CABP1: variants seen among roughly 807,000 people sequenced by gnomAD.
CABP1 encodes the protein calcium binding protein 1, also known as calcium-binding protein 1.
In CABP1, 17 loss-of-function variants were observed where a neutral mutation model predicts 34.3. The observed-to-expected ratio is 0.50, with a 90% CI of 0.34 to 0.74. CABP1 has a LOEUF of 0.74. Ranked by LOEUF, CABP1 falls within the 30% of genes least tolerant of loss-of-function variation. The pLI is 0.01. For missense variants in CABP1, 373 were observed against 511.1 expected (o/e 0.73, Z 2.61); for synonymous variants, 198 against 229.2 (o/e 0.86, Z 1.23).
In CABP1 at chr12:120,667,255, C is replaced by T. The variant is rs1206351122; in HGVS notation, c.*355C>T. 5 of 417,932 alleles carry T rather than the reference C, an allele frequency of 1.2e-5. No homozygotes were observed. The highest frequency in any genetic ancestry group is 6.0e-5 in the South Asian group (2 of 33,082). 25.9% of individuals were successfully genotyped at this position (417,932 alleles called of 1,614,324 possible). On this transcript the variant is annotated 3_prime_UTR_variant, in exon 6 of 6. Transcript: ENST00000316803. ...GCCCCAGGGCAAAGCCTCCCACCTT[C>T]GCTCTGCGCCCGTCCCAGCTCGCCT...
At chr12:120,652,034 G>C (rs1322575870) in intron 1 of CABP1, among the ~76,000 whole-genome samples, 2 of 152,088 alleles carry the variant, frequency 1.3e-5, no homozygotes, top group Non-Finnish European at 2.9e-5. Flanking sequence ...GATTACACAG[G>C]CCTCCTCTTT....
chr12:120,678,531 G>A, the CABP1 span, among the ~76,000 whole-genome samples: 365 of 152,282 alleles, frequency 2.4e-3, 5 homozygotes, highest in African/African-American at 8.6e-3. Context: ...TGTGCACTGA[G>A]GACTTCTATG....
chr12:120,672,711 GA>G, the CABP1 span, among the ~76,000 whole-genome samples: 20,976 of 139,336 alleles, frequency 0.15, 1,592 homozygotes, highest in Middle Eastern at 0.32. Flanking sequence ...GCACTTGGGT[GA>G]AAAAAAAAAA....
intron 5 of CABP1, among the ~76,000 whole-genome samples, chr12:120,666,473 C>CAAAAAAA (rs55848637): frequency 1.2e-5 from 1 of 81,132 alleles, no homozygotes; most frequent in Non-Finnish European, 2.3e-5. Flanking sequence ...GACTCCATCT[C>CAAAAAAA]AAAAAAAAAA....
the CABP1 span, among the ~76,000 whole-genome samples, chr12:120,677,720 A>G: frequency 6.6e-6 from 1 of 152,124 alleles, no homozygotes. Context: ...GTTGCTTTCT[A>G]TCGTACTCAT....
chr12:120,667,103 GCCC>G lies in CABP1; in HGVS notation c.*204_*206del, dbSNP rs1413063739. The G allele has an allele frequency of 1.6e-6, 1 of 624,848 alleles. No homozygotes were observed. The highest frequency in any genetic ancestry group is 2.8e-6 in the Non-Finnish European group (1 of 362,300). The allele number at this position is 624,848 out of a possible 1,614,324, so 38.7% of individuals were successfully genotyped here. On this transcript the variant is annotated 3_prime_UTR_variant, in exon 6 of 6. Transcript: ENST00000316803. ...ACTCCTGCAACTGGAAAGCGGGGGC[GCCC>G]GCCGACGAGGAGGCCACCGTGCCAA... is the stretch of plus-strand genomic sequence containing the variant.
the CABP1 span, among the ~76,000 whole-genome samples, chr12:120,673,198 T>C: frequency 2.0e-5 from 3 of 152,012 alleles, no homozygotes; most frequent in Non-Finnish European, 4.4e-5. Flanking sequence ...TCTTAACAAG[T>C]AAGGTGATTA....
chr12:120,668,818 G>A (rs950478209), downstream of CABP1, among the ~76,000 whole-genome samples: 2 of 152,228 alleles, frequency 1.3e-5, no homozygotes. Flanking sequence ...AGCGTACTTG[G>A]GCAGGTGTGT....
the CABP1 span, among the ~76,000 whole-genome samples, chr12:120,672,629 T>C: frequency 1.1e-4 from 16 of 141,056 alleles, no homozygotes; most frequent in African/African-American, 4.0e-4. Context: ...AGTGAACTTA[T>C]AGATCAAAAG....
chr12:120,666,797 AG>A, intron 5 of CABP1, 77 bp from the exon 6 acceptor site: 8 of 1,492,674 alleles, frequency 5.4e-6, no homozygotes, highest in Non-Finnish European at 7.3e-6. Context: ...CAGTGGCAAC[AG>A]GGTGGGGTCT....
intron 1 of CABP1, among the ~76,000 whole-genome samples, chr12:120,658,025 A>T (rs1435282535): frequency 6.6e-6 from 1 of 150,772 alleles, no homozygotes; most frequent in Non-Finnish European, 1.5e-5. Flanking sequence ...AAAAACATCT[A>T]CGAACATATG....
chr12:120,677,084 G>GT, the CABP1 span, among the ~76,000 whole-genome samples: 35,279 of 127,716 alleles, frequency 0.28, 5,853 homozygotes, highest in Middle Eastern at 0.46. Context: ...GAAGTTTGTG[G>GT]TTTTTTTTTT....
At chr12:120,672,731 CA>C in the CABP1 span, among the ~76,000 whole-genome samples, 6 of 137,530 alleles carry the variant, frequency 4.4e-5, no homozygotes, top group East Asian at 1.1e-3. Flanking sequence ...AAAAAAACCA[CA>C]AAGAAACCCA....
At chr12:120,655,734 T>C in intron 1 of CABP1, 1 of 1,454,508 alleles carries the variant, frequency 6.9e-7, no homozygotes, top group Non-Finnish European at 9.1e-7. Context: ...GAGTGAACAC[T>C]TCCCATTGGT....
Position 120,641,431 on chromosome 12 carries a change from CG to C in CABP1, c.654+93del. 1.7e-6 allele frequency: 2 copies of C among 1,206,338 alleles called. No homozygotes were observed. Among genetic ancestry groups the C allele is most frequent in the Non-Finnish European group, 2.1e-6 (2 of 962,880 alleles). The allele number at this position is 1,206,338 out of a possible 1,614,324, so 74.7% of individuals were successfully genotyped here. On this transcript the variant is annotated intron_variant, in intron 1 of 5. Transcript: ENST00000316803. This position sits in a 1 kb window ranked among gnomAD's most constrained non-coding sequence, Gnocchi z 6.7. ...GCGTCCACAGCCTCCTCCCGCGGCC[CG>C]TGGTCCCCCACGGATCACGCCTCGG...
At chr12:120,677,583 G>T in the CABP1 span, among the ~76,000 whole-genome samples, 1 of 151,572 alleles carries the variant, frequency 6.6e-6, no homozygotes, top group East Asian at 2.0e-4. Context: ...TTTTTGTAGA[G>T]ATGGGAGTGG....
chr12:120,653,759 C>A (rs1879993454), intron 1 of CABP1, among the ~76,000 whole-genome samples: 1 of 152,166 alleles, frequency 6.6e-6, no homozygotes, highest in South Asian at 2.1e-4. Context: ...TCTTGAACTC[C>A]CAACTTCAGG....
intron 1 of CABP1, among the ~76,000 whole-genome samples, chr12:120,646,466 A>G (rs2461507): frequency 0.63 from 96,168 of 152,026 alleles, 30,724 homozygotes; most frequent in Non-Finnish European, 0.67. Flanking sequence ...GAGGGCATAC[A>G]ACATGCTTCA....
At chr12:120,650,815 C>A in intron 1 of CABP1, 1 of 885,780 alleles carries the variant, frequency 1.1e-6, no homozygotes, top group Non-Finnish European at 1.8e-6. Flanking sequence ...GGCTGCCTCC[C>A]TGCTTCTACC....
Sources: allele counts gnomAD v4.1 joint callset (sites outside exome capture counted in the v4.1 genomes callset), GRCh38; gene constraint gnomAD v4.1.1; non-coding constraint Gnocchi (gnomAD v3.1); transcripts MANE v1.5; gene names NCBI Gene and HGNC (gene_info 2026-07-23, HGNC 2026-07-21).